The following DLGAP2 variants were observed in gnomAD, a reference collection of about 807,000 sequenced individuals.
DLGAP2 encodes the protein disks large-associated protein 2.
A neutral mutation model predicts 100.3 loss-of-function variants in DLGAP2; 26 were observed. The observed-to-expected ratio is 0.26, with a 90% CI of 0.19 to 0.36. The LOEUF is 0.36. DLGAP2 is among the 10% of genes least tolerant of loss of function. The pLI is 1.00. For synonymous variants in DLGAP2, 886 were observed against 630.1 expected, an observed-to-expected ratio of 1.41 and a Z score of -6.08; for missense variants, 1,858 against 1,453.2, an observed-to-expected ratio of 1.28 and a Z score of -4.53.
At chr8:971,997 T>C (rs1378991367) in intron 2 of DLGAP2, among the ~76,000 whole-genome samples, 2 of 152,160 alleles carry the variant, frequency 1.3e-5, no homozygotes, top group Non-Finnish European at 2.9e-5. Flanking sequence ...GGCTCCTGTA[T>C]AATAACATGG....
chr8:971,922 T>C (rs1800025020), intron 2 of DLGAP2, among the ~76,000 whole-genome samples: 1 of 152,160 alleles, frequency 6.6e-6, no homozygotes, highest in Admixed American at 6.5e-5. Flanking sequence ...ATTATAGAAC[T>C]GAGACCCAAT....
chr8:1,110,230 CGT>C (rs34307572), intron 2 of DLGAP2, among the ~76,000 whole-genome samples: 33,117 of 109,232 alleles, frequency 0.3, 5,476 homozygotes, highest in Non-Finnish European at 0.38. Context: ...GGGTCTGTGA[CGT>C]GTGCTGGATC....
At chr8:1,176,081 A>G (rs1797248231) in intron 2 of DLGAP2, among the ~76,000 whole-genome samples, 3 of 152,170 alleles carry the variant, frequency 2.0e-5, no homozygotes, top group African/African-American at 7.2e-5. Flanking sequence ...AAACTGGGTA[A>G]TTTATAAACA....
At chr8:1,196,515 G>A (rs749388279) in intron 2 of DLGAP2, among the ~76,000 whole-genome samples, 23 of 152,160 alleles carry the variant, frequency 1.5e-4, no homozygotes, top group Non-Finnish European at 2.1e-4. Context: ...GGAACAAGTC[G>A]TCTGTGATTT....
At chr8:1,077,320 T>C (rs11783410) in intron 2 of DLGAP2, among the ~76,000 whole-genome samples, 84,934 of 152,064 alleles carry the variant, frequency 0.56, 23,864 homozygotes, top group Admixed American at 0.59. Flanking sequence ...CTTCAGCACA[T>C]GCCCCTGCAG....
At chr8:1,023,524 C>G in intron 2 of DLGAP2, among the ~76,000 whole-genome samples, 1 of 152,212 alleles carries the variant, frequency 6.6e-6, no homozygotes, top group Middle Eastern at 3.4e-3. Flanking sequence ...CAGCAACAAG[C>G]GAGTTACTGA....
intron 3 of DLGAP2, among the ~76,000 whole-genome samples, chr8:1,445,743 C>T (rs1453699759): frequency 2.0e-5 from 3 of 152,180 alleles, no homozygotes; most frequent in African/African-American, 2.4e-5. Flanking sequence ...ACATCCTCTC[C>T]AGCACCTGTT....
chr8:1,352,987 T>C (rs1457084376), intron 3 of DLGAP2, among the ~76,000 whole-genome samples: 1 of 152,120 alleles, frequency 6.6e-6, no homozygotes, highest in Non-Finnish European at 1.5e-5. Flanking sequence ...GTAGACAGGA[T>C]TGAAGGCAGA....
At chr8:1,345,289 T>C (rs55829113) in intron 3 of DLGAP2, among the ~76,000 whole-genome samples, 2 of 70,936 alleles carry the variant, frequency 2.8e-5, no homozygotes, top group African/African-American at 4.0e-5. Context: ...AAGATGGAGG[T>C]TCAGTTCCTT....
chr8:1,253,044 C>T (rs574380361), intron 2 of DLGAP2, among the ~76,000 whole-genome samples: 37 of 152,322 alleles, frequency 2.4e-4, no homozygotes, highest in African/African-American at 8.7e-4. Flanking sequence ...CCCTCCGCTG[C>T]TTGCACTGCA....
At chr8:1,624,867 C>T (rs1211555092) in intron 6 of DLGAP2, among the ~76,000 whole-genome samples, 1 of 148,234 alleles carries the variant, frequency 6.7e-6, no homozygotes, top group Non-Finnish European at 1.5e-5. Context: ...CTCTCTCTCT[C>T]TGTCTCTCTC....
intron 6 of DLGAP2, among the ~76,000 whole-genome samples, chr8:1,592,343 A>G (rs550632836): frequency 1.2e-4 from 19 of 152,274 alleles, no homozygotes; most frequent in South Asian, 4.1e-4. Context: ...AAATCTTCAC[A>G]TACTATTTTT....
chr8:906,185 C>G (rs909154355), intron 1 of DLGAP2, among the ~76,000 whole-genome samples: 3 of 152,220 alleles, frequency 2.0e-5, no homozygotes, highest in African/African-American at 7.2e-5. Flanking sequence ...GGGAAGAGAT[C>G]CCTTAGGTGG....
chr8:1,027,509 C>T (rs577749825), intron 2 of DLGAP2, among the ~76,000 whole-genome samples: 11 of 148,262 alleles, frequency 7.4e-5, no homozygotes, highest in East Asian at 2.1e-4. Context: ...TGCCAGGTGC[C>T]GGTTACTCCC....
chr8:1,263,651 A>G (rs970921547), intron 3 of DLGAP2, among the ~76,000 whole-genome samples: 4 of 152,218 alleles, frequency 2.6e-5, no homozygotes, highest in African/African-American at 7.2e-5. Context: ...TTAATTGAAT[A>G]TGTGTTGTCT....
At chr8:1,158,759 G>C (rs11782880) in intron 2 of DLGAP2, among the ~76,000 whole-genome samples, 1 of 152,018 alleles carries the variant, frequency 6.6e-6, no homozygotes, top group South Asian at 2.1e-4. Context: ...GAGTCACACA[G>C]ACCCCTTGAA....
intron 2 of DLGAP2, among the ~76,000 whole-genome samples, chr8:933,060 G>A (rs1233451758): frequency 6.6e-6 from 1 of 152,190 alleles, no homozygotes; most frequent in African/African-American, 2.4e-5. Flanking sequence ...CTATGGACTC[G>A]TCTATAAGCA....
chr8:931,848 A>G (rs1798966257), intron 2 of DLGAP2, among the ~76,000 whole-genome samples: 1 of 152,112 alleles, frequency 6.6e-6, no homozygotes, highest in Admixed American at 6.5e-5. Flanking sequence ...AAACAACATA[A>G]TGTATGTAAA....
intron 1 of DLGAP2, among the ~76,000 whole-genome samples, chr8:808,158 G>T (rs1390563080): frequency 6.6e-6 from 1 of 152,174 alleles, no homozygotes; most frequent in Non-Finnish European, 1.5e-5. Flanking sequence ...TCGGCTTTCT[G>T]TGTCATGGTG....
Sources: gnomAD v4.1 joint callset for allele counts (sites outside exome capture counted in the v4.1 genomes callset) on GRCh38, gnomAD v4.1.1 for gene constraint, MANE v1.5 for transcripts, NCBI Gene and HGNC (gene_info 2026-07-23, HGNC 2026-07-21) for gene names.